The following MYO9B variants were observed in gnomAD, a reference collection of about 807,000 sequenced individuals.
MYO9B encodes myosin IXB, also known as unconventional myosin-IXb.
In MYO9B, 71 loss-of-function variants were observed where a neutral mutation model predicts 229.5. That is an observed-to-expected ratio of 0.31 (90% CI 0.26 to 0.38). MYO9B has a LOEUF of 0.38. MYO9B is among the 10% of genes least tolerant of loss of function. The pLI is 1.00. For synonymous variants in MYO9B, 1,185 were observed against 1,235.8 expected (o/e 0.96, Z 0.86); for missense variants, 2,255 against 2,920.5 (o/e 0.77, Z 5.25).
At chr19:17,201,419 T>C (rs1300868531) in intron 26 of MYO9B, among the ~76,000 whole-genome samples, 6 of 151,978 alleles carry the variant, frequency 3.9e-5, no homozygotes, top group Admixed American at 6.6e-5. Flanking sequence ...AGGGGGCCGA[T>C]GGGGACACAG....
intron 16 of MYO9B, 121 bp from the exon 17 acceptor site, chr19:17,184,744 T>C: frequency 7.4e-7 from 1 of 1,344,958 alleles, no homozygotes; most frequent in Non-Finnish European, 1.0e-6. Context: ...ACCTAAGAGC[T>C]GCTGCCCGGG....
At chr19:17,080,377 C>T (rs1444638214) in intron 1 of MYO9B, among the ~76,000 whole-genome samples, 1 of 152,158 alleles carries the variant, frequency 6.6e-6, no homozygotes, top group East Asian at 1.9e-4. Context: ...TGGCAGGGTT[C>T]GTGCCTTCGG....
chr19:17,107,613 C>T (rs536019796), intron 2 of MYO9B, among the ~76,000 whole-genome samples: 3 of 152,316 alleles, frequency 2.0e-5, no homozygotes, highest in East Asian at 3.9e-4. Flanking sequence ...GCCGCACTCC[C>T]TCCCGGCTCT....
chr19:17,089,824 T>TAAC (rs2057619608), intron 1 of MYO9B, among the ~76,000 whole-genome samples: 1 of 152,150 alleles, frequency 6.6e-6, no homozygotes, highest in African/African-American at 2.4e-5. Context: ...TTATCATGAG[T>TAAC]AACATTCAGT....
Position 17,191,166 on chromosome 19 carries a change from C to T in MYO9B, c.2758C>T (p.Leu920Phe), listed in dbSNP as rs1227444625. 2 of 1,612,540 alleles carry T rather than the reference C, an allele frequency of 1.2e-6. No homozygotes were observed. Among genetic ancestry groups the T allele is most frequent in the Non-Finnish European group, 1.7e-6 (2 of 1,179,232 alleles). The change falls in exon 20 of 40, where the codon CTC (leucine) becomes TTC (phenylalanine). Residue 920 changes from leucine to phenylalanine, a missense_variant. Physicochemically the swap from Leu to Phe is conservative, Grantham distance 22 (BLOSUM62 0). Around this residue, in one of 7 missense-constraint regions of MYO9B, gnomAD observed 679 missense variants for 770.2 expected, o/e 0.88. Transcript: ENST00000682292. The stretch of plus-strand genomic sequence containing the variant: ...GCCCTGCAGGGAGGTCATCTCCACC[C>T]TCCTGGAGAAAATGAAGATAGACAA... Reference protein sequence around the residue: ...AQPCREVISTLLEKMKIDKRN... With the variant: ...AQPCREVISTFLEKMKIDKRN...
intron 14 of MYO9B, among the ~76,000 whole-genome samples, chr19:17,176,280 C>T (rs2072788864): frequency 6.6e-6 from 1 of 152,060 alleles, no homozygotes; most frequent in South Asian, 2.1e-4. Flanking sequence ...TCGTGATCCA[C>T]CCGCCTCAGC....
rs1341481895 is a variant in MYO9B, at chr19:17,142,204, G to GAC, written c.841-3189_841-3188dup. On this transcript the variant is annotated intron_variant, in intron 2 of 39. Coordinates refer to ENST00000682292, the MANE Select transcript of MYO9B (RefSeq NM_004145.4). ...AGAAAGAAAAAAGAAGCGGCAACCA[G>GAC]ACACAACAGGCCATAAGTGTATGAC... 4.6e-5 allele frequency among the ~76,000 whole-genome samples: 7 copies of GAC among 151,490 alleles called. No homozygotes were observed. In the East Asian group the frequency reaches 1.4e-3, roughly 29 times the overall value.
At chr19:17,141,105 G>GA (rs34230599) in intron 2 of MYO9B, among the ~76,000 whole-genome samples, 39,834 of 137,864 alleles carry the variant, frequency 0.29, 5,729 homozygotes, top group African/African-American at 0.36. Context: ...CCCTGTCTCA[G>GA]AAAAAAAAAA....
chr19:17,086,853 C>G (rs1600019496), intron 1 of MYO9B, among the ~76,000 whole-genome samples: 1 of 148,144 alleles, frequency 6.8e-6, no homozygotes, highest in East Asian at 2.0e-4. Flanking sequence ...GCACTTCAGC[C>G]TGGAAAACAG....
At position 17,079,971 on chromosome 19, in the gene MYO9B, G is replaced by A. The variant is rs373868510; in HGVS notation, c.-59+4097G>A. Reference sequence around the variant, plus strand: ...GCCCCGTTCCCTTTCAATTTCTATCGTGGCTGGGAAAGAGCCTCAGAGATT... The same window carrying A: ...GCCCCGTTCCCTTTCAATTTCTATCATGGCTGGGAAAGAGCCTCAGAGATT... On this transcript the variant is annotated intron_variant, in intron 1 of 39. Transcript: ENST00000682292. Among the ~76,000 whole-genome samples the A allele has an allele frequency of 6.6e-5, 10 of 152,234 alleles. No homozygotes were observed. The East Asian group carries it at 1.3e-3, about 21-fold the overall frequency.
intron 2 of MYO9B, among the ~76,000 whole-genome samples, chr19:17,139,154 G>A (rs1490464746): frequency 6.6e-6 from 1 of 152,146 alleles, no homozygotes; most frequent in African/African-American, 2.4e-5. Context: ...TCCAGCCTGG[G>A]CAACAGAGTG....
intron 6 of MYO9B, 68 bp downstream of exon 6, chr19:17,154,483 C>T (rs1300469872): frequency 8.1e-7 from 1 of 1,227,554 alleles, no homozygotes; most frequent in Non-Finnish European, 1.2e-6. Context: ...CCTTACCAGT[C>T]ACTCTGAGGT....
Position 17,101,848 on chromosome 19 carries a change from C to G in MYO9B, c.131C>G (p.Thr44Ser). 1 of 1,612,150 alleles carries G rather than the reference C, an allele frequency of 6.2e-7. No individual in the cohort carries two copies. The highest frequency in any genetic ancestry group is 2.2e-5 in the East Asian group (1 of 44,822). ...CRVTATKDST[T>S]SDVIKDAIAS... Reference sequence around the variant, plus strand: ...GTGACTGCCACCAAGGACAGCACCACCTCGGACGTCATCAAGGACGCCATT... The same window carrying G: ...GTGACTGCCACCAAGGACAGCACCAGCTCGGACGTCATCAAGGACGCCATT... Residue 44 changes from threonine (T) to serine (S), a missense_variant, in exon 2 of 40, where the codon ACC (threonine) becomes AGC (serine). By Grantham distance (58) the Thr-to-Ser change is moderately conservative (BLOSUM62 1). Around this residue, in one of 7 missense-constraint regions of MYO9B, gnomAD observed 386 missense variants for 515.2 expected, o/e 0.75. Transcript: ENST00000682292. This position sits in a 1 kb window ranked among gnomAD's most constrained non-coding sequence, Gnocchi z 4.7.
intron 2 of MYO9B, among the ~76,000 whole-genome samples, chr19:17,140,041 C>CA (rs890338138): frequency 3.3e-4 from 47 of 142,746 alleles, no homozygotes; most frequent in African/African-American, 8.0e-4. Flanking sequence ...AACTCTGTCT[C>CA]AAAAAAAAAA....
At chr19:17,097,568 T>A (rs181398682) in intron 1 of MYO9B, among the ~76,000 whole-genome samples, 1 of 152,300 alleles carries the variant, frequency 6.6e-6, no homozygotes, top group Admixed American at 6.5e-5. Context: ...ACATGACAGT[T>A]ACTTACTAAC....
At chr19:17,082,984 T>A (rs1231333711) in intron 1 of MYO9B, among the ~76,000 whole-genome samples, 1 of 148,138 alleles carries the variant, frequency 6.8e-6, no homozygotes, top group African/African-American at 2.5e-5. Flanking sequence ...ACATGTCAAG[T>A]GCCCGTGGGT....
intron 2 of MYO9B, among the ~76,000 whole-genome samples, chr19:17,140,366 G>A (rs1376519278): frequency 6.6e-6 from 1 of 152,154 alleles, no homozygotes; most frequent in African/African-American, 2.4e-5. Context: ...ACGGTGGAAG[G>A]AGTGAGGGTG....
intron 2 of MYO9B, among the ~76,000 whole-genome samples, chr19:17,112,577 C>A (rs1456995553): frequency 6.6e-6 from 1 of 152,108 alleles, no homozygotes; most frequent in Non-Finnish European, 1.5e-5. Flanking sequence ...TAGCTGAGGA[C>A]GGACAGGTCC....
At chr19:17,078,913 C>T (rs1194476273) in intron 1 of MYO9B, among the ~76,000 whole-genome samples, 1 of 152,212 alleles carries the variant, frequency 6.6e-6, no homozygotes, top group African/African-American at 2.4e-5. Context: ...TTTCTAGAAA[C>T]ATGCAGGATC....
Sources: gnomAD v4.1 joint callset for allele counts (sites outside exome capture counted in the v4.1 genomes callset) on GRCh38, gnomAD v4.1.1 for gene constraint, gnomAD v4.1.1 regional missense constraint, Gnocchi (gnomAD v3.1) non-coding constraint, MANE v1.5 for transcripts, NCBI Gene and HGNC (gene_info 2026-07-23, HGNC 2026-07-21) for gene names.